The following TRIP10 variants were observed in gnomAD, a reference collection of about 807,000 sequenced individuals.
TRIP10 encodes the protein thyroid hormone receptor interactor 10.
A neutral mutation model predicts 80.9 loss-of-function variants in TRIP10; 54 were observed. That is an observed-to-expected ratio of 0.67 (90% confidence interval 0.54 to 0.84). The LOEUF is 0.84. TRIP10 is among the 40% of genes least tolerant of loss of function. The probability of loss-of-function intolerance (pLI) is 0.00; values close to 1 mark genes in which losing one functional copy is unlikely to be tolerated. For synonymous variants in TRIP10, 321 were observed against 307.2 expected (o/e 1.04, Z -0.47); for missense variants, 773 against 815.3 (o/e 0.95, Z 0.63).
Position 6,744,485 on chromosome 19 carries a change from A to C in TRIP10, c.643-69A>C, listed in dbSNP as rs966617485. ...CAGCGTGGAGCGCGATCATATTTGC[A>C]GAGTGAATCACTGTGCTTCTAGTCC... On this transcript the variant is annotated intron_variant, in intron 7 of 14. Transcript: ENST00000313244. This position sits in a 1 kb window ranked among gnomAD's most constrained non-coding sequence, Gnocchi z 4.9. The C allele has an allele frequency of 1.4e-5, 23 of 1,601,334 alleles. No homozygotes were observed. In the African/African-American group the frequency reaches 2.5e-4, roughly 18 times the overall value.
intron 3 of TRIP10, among the ~76,000 whole-genome samples, chr19:6,741,992 A>G (rs1254398686): frequency 6.6e-6 from 1 of 151,522 alleles, no homozygotes; most frequent in Non-Finnish European, 1.5e-5. Context: ...TAATTTTTAT[A>G]TTTTTAGTAG....
In TRIP10 at chr19:6,746,732, A is replaced by T. The variant is rs971934042; in HGVS notation, c.1262+171A>T. On this transcript the variant is annotated intron_variant, in intron 11 of 14. Coordinates refer to ENST00000313244, the MANE Select transcript of TRIP10 (RefSeq NM_001288962.2). This position sits in a 1 kb window ranked among gnomAD's most constrained non-coding sequence, Gnocchi z 6.2. ...CAGTGCTGTGATCTTAGCTCACTGCAATCGCCACATCCCAGGTTCAAGCAA... is the reference window on the plus strand; with the variant it reads ...CAGTGCTGTGATCTTAGCTCACTGCTATCGCCACATCCCAGGTTCAAGCAA... Among the ~76,000 whole-genome samples the T allele has an allele frequency of 2.0e-5, 3 of 152,146 alleles. No homozygotes were observed. Among genetic ancestry groups the T allele is most frequent in the Admixed American group, 6.5e-5 (1 of 15,282 alleles).
rs1367713082 is a variant in TRIP10 at position 6,749,957 on chromosome 19, A to C, written c.1286A>C (p.Asp429Ala). 1 of 1,614,108 alleles carries C rather than the reference A, an allele frequency of 6.2e-7. No homozygotes were observed. Among genetic ancestry groups the C allele is most frequent in the South Asian group, 1.1e-5 (1 of 91,084 alleles). Reference sequence around the variant, plus strand: ...AGGGAAGCCCTAAAGAAAATGAAGGATGTCTATGAGAAGACACCTCAGATG... The same window carrying C: ...AGGGAAGCCCTAAAGAAAATGAAGGCTGTCTATGAGAAGACACCTCAGATG... ...DQREALKKMK[D>A]VYEKTPQMGD... The change falls in exon 12 of 15, where the codon GAT becomes GCT. Residue 429 changes from aspartate (D) to alanine (A), a missense_variant. Physicochemically the swap from Asp to Ala is moderately radical, Grantham distance 126. Coordinates refer to ENST00000313244, the MANE Select transcript of TRIP10 (RefSeq NM_001288962.2).
intron 3 of TRIP10, 62 bp from the exon 4 acceptor site, chr19:6,742,905 G>T: frequency 6.3e-7 from 1 of 1,593,046 alleles, no homozygotes; most frequent in South Asian, 1.1e-5. Flanking sequence ...GCGTCCTGGG[G>T]CATCAGCCTG....
chr19:6,744,908 C>G lies in TRIP10; in HGVS notation c.898C>G (p.Leu300Val), dbSNP rs1969057789. The G allele has an allele frequency of 2.5e-6, 4 of 1,614,208 alleles. No individual in the cohort carries two copies. The highest frequency in any genetic ancestry group is 2.2e-5 in the East Asian group (1 of 44,882). The change falls in exon 9 of 15, where the codon CTG (leucine) becomes GTG (valine). Residue 300 changes from leucine (L) to valine (V), a missense_variant. Transcript: ENST00000313244. The surrounding 1 kb of genome is among the most constrained non-coding windows in gnomAD (Gnocchi z 4.9). ...PMNRAPSDSS[L>V]GTPSDGRPEL... ...GAACCGTGCACCCTCCGACAGCAGT[C>G]TGGGCACCCCCTCGGATGGACGGCC...
intron 12 of TRIP10, 73 bp downstream of exon 12, chr19:6,750,139 C>A: frequency 2.7e-6 from 1 of 376,652 alleles, no homozygotes; most frequent in South Asian, 2.9e-5. Context: ...GGTGGGGGGT[C>A]GGGGACAGGG....
In TRIP10 at chr19:6,743,615, C is replaced by CGTGGGGGGGG; in HGVS notation, c.513+18_513+19insTGGGGGGGGG. The CGTGGGGGGGG allele has an allele frequency of 1.3e-6, 1 of 770,178 alleles. No homozygotes were observed. The highest frequency in any genetic ancestry group is 1.8e-6 in the Non-Finnish European group (1 of 549,194). The allele number at this position is 770,178 out of a possible 1,614,324, so 47.7% of individuals were successfully genotyped here. The stretch of plus-strand genomic sequence containing the variant: ...GTGGAGAAGGTGTGTGTGGCGGGGG[C>CGTGGGGGGGG]GGGGGGGGGGTGCGGGGTCTGGGAC... On this transcript the variant is annotated intron_variant, in intron 6 of 14. Transcript: ENST00000313244.
In TRIP10 at chr19:6,751,461, C is replaced by A; in HGVS notation, c.*250C>A. ...TTTCTTTCTGCCGCTCGGCTCCGGC[C>A]ATTTTGTTTTATACAAAAATGGGAA... On this transcript the variant is annotated 3_prime_UTR_variant, in exon 15 of 15. Transcript: ENST00000313244. 5 of 914,978 alleles carry A rather than the reference C, an allele frequency of 5.5e-6. No individual in the cohort carries two copies. The highest frequency in any genetic ancestry group is 7.3e-6 in the Non-Finnish European group (5 of 681,982). The allele number at this position is 914,978 out of a possible 1,614,324, so 56.7% of individuals were successfully genotyped here. A position where few individuals can be genotyped will look rare whatever the true frequency, so the allele number is the denominator to read the frequency against.
At chr19:6,749,697 A>G (rs979114753) in intron 11 of TRIP10, among the ~76,000 whole-genome samples, 2 of 152,096 alleles carry the variant, frequency 1.3e-5, no homozygotes, top group African/African-American at 2.4e-5. Flanking sequence ...AAAATTTTTG[A>G]AAAATCAGGC....
chr19:6,743,863 C>T, intron 7 of TRIP10, 27 bp downstream of exon 7: 1 of 1,611,682 alleles, frequency 6.2e-7, no homozygotes, highest in Non-Finnish European at 8.5e-7. Context: ...CTCAGACCTA[C>T]CTTCCCGAAA....
chr19:6,743,369 G>A, intron 5 of TRIP10, 113 bp downstream of exon 5: 9 of 1,529,724 alleles, frequency 5.9e-6, no homozygotes, highest in Non-Finnish European at 8.1e-6. Context: ...CTCCCCCATA[G>A]GCTTCCAGTA....
intron 3 of TRIP10, among the ~76,000 whole-genome samples, chr19:6,741,696 C>G (rs768249148): frequency 1.9e-4 from 29 of 152,030 alleles, no homozygotes; most frequent in Non-Finnish European, 3.8e-4. Flanking sequence ...TATCAAACGC[C>G]GTAAGGAGCA....
Position 6,750,981 on chromosome 19 carries a change from G to A in TRIP10, c.1658-82G>A, listed in dbSNP as rs1012214578. Reference sequence around the variant, plus strand: ...ACTGCACTCCAGCCTGGGCGAGAGCGAGGCTCTGTCTCAAAAATAAAAAAT... The same window carrying A: ...ACTGCACTCCAGCCTGGGCGAGAGCAAGGCTCTGTCTCAAAAATAAAAAAT... On this transcript the variant is annotated intron_variant, in intron 14 of 14. Transcript: ENST00000313244. 1.5e-5 allele frequency: 22 copies of A among 1,431,624 alleles called. No individual in the cohort carries two copies. The African/African-American group carries it at 1.9e-4, about 12-fold the overall frequency. The allele number at this position is 1,431,624 out of a possible 1,614,324, so 88.7% of individuals were successfully genotyped here.
rs542246641 is a variant in TRIP10 at position 6,750,531 on chromosome 19, G to C, written c.1555G>C (p.Glu519Gln). The C allele has an allele frequency of 1.2e-6, 2 of 1,614,190 alleles. No homozygotes were observed. Among genetic ancestry groups the C allele is most frequent in the Non-Finnish European group, 1.7e-6 (2 of 1,180,044 alleles). The change falls in exon 14 of 15, where the codon GAA (glutamate) becomes CAA (glutamine). Residue 519 changes from glutamate (E) to glutamine (Q), a missense_variant. Coordinates refer to ENST00000313244, the MANE Select transcript of TRIP10 (RefSeq NM_001288962.2). ...TKESSEEPPS[E>Q]ESQDTPIYTE... ...AAACAGCTCTGAAGAGCCTCCCTCA[G>C]AAGAGAGCCAGGACACCCCCATTTA... is the stretch of plus-strand genomic sequence containing the variant.
intron 13 of TRIP10, 34 bp from the exon 14 acceptor site, chr19:6,750,478 G>A (rs760886156): frequency 1.5e-5 from 24 of 1,613,778 alleles, no homozygotes; most frequent in Non-Finnish European, 1.9e-5. Context: ...TCCCAGGAGG[G>A]CCTGTCTTTA....
At chr19:6,743,414 A>G in intron 5 of TRIP10, 80 bp from the exon 6 acceptor site, 2 of 1,559,928 alleles carry the variant, frequency 1.3e-6, no homozygotes, top group Non-Finnish European at 1.8e-6. Flanking sequence ...TGACATCCCA[A>G]TAATCCCTGA....
intron 12 of TRIP10, 101 bp from the exon 13 acceptor site, chr19:6,750,191 A>G: frequency 6.3e-7 from 1 of 1,576,470 alleles, no homozygotes; most frequent in African/African-American, 1.3e-5. Flanking sequence ...TTTCCATCAC[A>G]GCCTTGGCTG....
intron 14 of TRIP10, 151 bp from the exon 15 acceptor site, chr19:6,750,912 C>T (rs1969279730): frequency 7.8e-7 from 1 of 1,279,386 alleles, no homozygotes; most frequent in Non-Finnish European, 1.0e-6. Context: ...AGGAGAATCC[C>T]TTGAACCTGG....
At chr19:6,750,998 A>C in intron 14 of TRIP10, 65 bp from the exon 15 acceptor site, 16 of 1,457,722 alleles carry the variant, frequency 1.1e-5, no homozygotes, top group Non-Finnish European at 1.4e-5. Flanking sequence ...TGTCTCAAAA[A>C]TAAAAAATAA....
Sources: allele counts gnomAD v4.1 joint callset (sites outside exome capture counted in the v4.1 genomes callset), GRCh38; gene constraint gnomAD v4.1.1; non-coding constraint Gnocchi (gnomAD v3.1); transcripts MANE v1.5; gene names NCBI Gene and HGNC (gene_info 2026-07-23, HGNC 2026-07-21).